CAST: variants seen among roughly 807,000 people sequenced by gnomAD.
The protein encoded by CAST is MIR583 host.
Under a neutral mutation model 119.6 loss-of-function variants are expected in CAST, and 76 were observed. That is an observed-to-expected ratio of 0.64 (90% CI 0.53 to 0.77). The LOEUF (loss-of-function observed/expected upper bound fraction) is 0.77. CAST is among the 30% of genes least tolerant of loss of function. CAST has a pLI of 0.00. For missense variants in CAST, 953 were observed against 946.5 expected, an observed-to-expected ratio of 1.01 and a Z score of -0.09; for synonymous variants, 319 against 331.6, an observed-to-expected ratio of 0.96 and a Z score of 0.41.
chr5:95,970,528 C>T, the CAST span, among the ~76,000 whole-genome samples: 1 of 152,320 alleles, frequency 6.6e-6, no homozygotes, highest in East Asian at 1.9e-4. Context: ...TGAATATTAT[C>T]TGTCCTAAAT....
intron 1 of CAST, among the ~76,000 whole-genome samples, chr5:96,540,664 C>A (rs571105577): frequency 6.6e-6 from 1 of 152,072 alleles, no homozygotes; most frequent in Admixed American, 6.6e-5. Context: ...CTTCTGTTTC[C>A]GGATCTCATC....
the CAST span, among the ~76,000 whole-genome samples, chr5:96,074,900 AATC>A: frequency 6.6e-6 from 1 of 152,178 alleles, no homozygotes; most frequent in African/African-American, 2.4e-5. Flanking sequence ...TCCCTAACTT[AATC>A]ATGATTTAGC....
At chr5:96,372,286 A>G in the CAST span, among the ~76,000 whole-genome samples, 1 of 152,008 alleles carries the variant, frequency 6.6e-6, no homozygotes, top group African/African-American at 2.4e-5. Flanking sequence ...ATTCCTGAGA[A>G]CTCTGTTCTT....
the CAST span, among the ~76,000 whole-genome samples, chr5:96,268,978 T>A: frequency 6.6e-6 from 1 of 152,140 alleles, no homozygotes; most frequent in Admixed American, 6.5e-5. Flanking sequence ...AGTGTGGCAG[T>A]TACCCCCTTG....
the CAST span, among the ~76,000 whole-genome samples, chr5:96,051,883 C>T: frequency 3.0e-4 from 45 of 152,216 alleles, no homozygotes; most frequent in African/African-American, 1.1e-3. Flanking sequence ...CAGATTAATC[C>T]TTGTCACAAA....
the CAST span, among the ~76,000 whole-genome samples, chr5:96,234,049 A>G: frequency 1.3e-5 from 2 of 152,196 alleles, no homozygotes; most frequent in Admixed American, 1.3e-4. Context: ...CTGCTTCAGA[A>G]GTGGGCACAC....
intron 3 of CAST, among the ~76,000 whole-genome samples, chr5:96,703,836 G>A (rs1283923540): frequency 6.6e-6 from 1 of 152,192 alleles, no homozygotes; most frequent in Non-Finnish European, 1.5e-5. Context: ...GGCATCTACT[G>A]TTCAAAAGGG....
the CAST span, among the ~76,000 whole-genome samples, chr5:96,236,454 T>C: frequency 6.6e-6 from 1 of 152,190 alleles, no homozygotes; most frequent in Non-Finnish European, 1.5e-5. Context: ...TCTAGTCTAG[T>C]ACTGTCTCCT....
chr5:96,225,052 G>A, the CAST span, among the ~76,000 whole-genome samples: 18 of 152,188 alleles, frequency 1.2e-4, no homozygotes, highest in Non-Finnish European at 2.1e-4. Context: ...TGTTGATGGC[G>A]TGGAGGTAAC....
chr5:96,515,141 C>T, the CAST span, among the ~76,000 whole-genome samples: 632 of 150,878 alleles, frequency 4.2e-3, 5 homozygotes, highest in African/African-American at 0.015. Context: ...TTTTCTTAAA[C>T]GCAGAAGGAT....
the CAST span, among the ~76,000 whole-genome samples, chr5:96,495,518 T>C: frequency 2.0e-5 from 3 of 152,278 alleles, no homozygotes; most frequent in Admixed American, 1.3e-4. Context: ...ACATGCGGTG[T>C]TTGGTTTTCT....
At chr5:96,046,316 T>C in the CAST span, among the ~76,000 whole-genome samples, 1 of 151,726 alleles carries the variant, frequency 6.6e-6, no homozygotes, top group African/African-American at 2.4e-5. Context: ...AAGAAAGAAA[T>C]AGAACAAGGG....
intron 2 of CAST, among the ~76,000 whole-genome samples, chr5:96,680,588 T>C (rs1404398882): frequency 6.6e-6 from 1 of 152,038 alleles, no homozygotes; most frequent in African/African-American, 2.4e-5. Context: ...AAATGATAAA[T>C]AATGTGCTTT....
the CAST span, among the ~76,000 whole-genome samples, chr5:96,294,296 A>G: frequency 2.6e-5 from 4 of 152,214 alleles, no homozygotes; most frequent in Admixed American, 6.5e-5. Flanking sequence ...TGAAGAAAAT[A>G]TGTGGAAGAA....
chr5:96,017,003 A>AT, the CAST span, among the ~76,000 whole-genome samples: 2 of 151,612 alleles, frequency 1.3e-5, no homozygotes, highest in Non-Finnish European at 2.9e-5. Context: ...CGCACAGCTA[A>AT]TTTTTTGTAT....
the CAST span, among the ~76,000 whole-genome samples, chr5:96,223,357 C>G: frequency 6.6e-6 from 1 of 151,962 alleles, no homozygotes; most frequent in East Asian, 1.9e-4. Flanking sequence ...GTGTAATGAT[C>G]AAGTCAGAGT....
chr5:96,756,701 A>G (rs1766393586), intron 22 of CAST, among the ~76,000 whole-genome samples: 2 of 152,106 alleles, frequency 1.3e-5, no homozygotes, highest in Admixed American at 6.5e-5. Flanking sequence ...ACCAACCTTA[A>G]CCAGTTTCTC....
chr5:96,073,509 C>T, the CAST span, among the ~76,000 whole-genome samples: 1 of 152,150 alleles, frequency 6.6e-6, no homozygotes. Context: ...AAGCAGCAGT[C>T]CCCCACCTTT....
At chr5:96,211,709 G>C in the CAST span, among the ~76,000 whole-genome samples, 1 of 151,974 alleles carries the variant, frequency 6.6e-6, no homozygotes, top group African/African-American at 2.4e-5. Flanking sequence ...TGTAAAGTTG[G>C]TGTTAATTCT....
Sources: allele counts gnomAD v4.1 joint callset (sites outside exome capture counted in the v4.1 genomes callset), GRCh38; gene constraint gnomAD v4.1.1; transcripts MANE v1.5; gene names NCBI Gene and HGNC (gene_info 2026-07-23, HGNC 2026-07-21).